Variants in TUBB1 observed in about 807,000 individuals in gnomAD.
TUBB1 encodes the protein tubulin beta-1 chain.
A neutral mutation model predicts 22.6 loss-of-function variants in TUBB1; 28 were observed. The observed-to-expected ratio is 1.24, with a 90% CI of 0.92 to 1.70. TUBB1 has a LOEUF of 1.70. Among genes scored for constraint, TUBB1 ranks in the 40% most tolerant of loss-of-function variants. The pLI is 0.00. For missense variants in TUBB1, 577 were observed against 605.5 expected (o/e 0.95, Z 0.49); for synonymous variants, 226 against 238.0 (o/e 0.95, Z 0.46).
intron 1 of TUBB1, among the ~76,000 whole-genome samples, chr20:59,022,141 C>T (rs1345023244): frequency 1.3e-5 from 2 of 152,018 alleles, no homozygotes. Flanking sequence ...TAGAGACCAT[C>T]CTGGCCAACA....
upstream of TUBB1, among the ~76,000 whole-genome samples, chr20:59,016,691 C>G (rs568172090): frequency 6.6e-6 from 1 of 152,088 alleles, no homozygotes; most frequent in Non-Finnish European, 1.5e-5. Context: ...ATGGTCTATT[C>G]TTAATTTTAA....
In TUBB1 at chr20:59,024,555, G is replaced by A; in HGVS notation, c.1128G>A (p.Glu376=). The change falls in exon 4 of 4, where the codon GAG becomes GAA. Residue 376 remains glutamate, a synonymous_variant. Coordinates refer to ENST00000217133, the MANE Select transcript of TUBB1 (RefSeq NM_030773.4). The surrounding 1 kb of genome is among the most constrained non-coding windows in gnomAD (Gnocchi z 4.9). ...TFIGNNTAIQ[E]IFNRVSEHFS... ...TTGGCAACAACACGGCCATCCAAGA[G>A]ATCTTTAATAGGGTCTCTGAGCATT... 3 of 1,614,190 alleles carry A rather than the reference G, an allele frequency of 1.9e-6. No homozygotes were observed. The highest frequency in any genetic ancestry group is 2.5e-6 in the Non-Finnish European group (3 of 1,180,042).
At chr20:59,023,348 A>G (rs1296373895) in intron 2 of TUBB1, 142 bp from the exon 3 acceptor site, 3 of 735,514 alleles carry the variant, frequency 4.1e-6, no homozygotes, top group African/African-American at 1.8e-5. Flanking sequence ...ATGATGTTAG[A>G]TACTCAAATC....
At position 59,025,092 on chromosome 20, in the gene TUBB1, C is replaced by A; in HGVS notation, c.*309C>A. ...GTGTTTGCCAGGCATCCAGACTACA[C>A]GTGTGGATTTGCAGGGAGCCACTGG... On this transcript the variant is annotated 3_prime_UTR_variant, in exon 4 of 4. Transcript: ENST00000217133. The A allele has an allele frequency of 4.9e-6, 2 of 410,274 alleles. No individual in the cohort carries two copies. The highest frequency in any genetic ancestry group is 9.2e-6 in the Non-Finnish European group (2 of 217,700). 25.4% of individuals were successfully genotyped at this position (410,274 alleles called of 1,614,324 possible). A position where few individuals can be genotyped will look rare whatever the true frequency, so the allele number is the denominator to read the frequency against.
chr20:59,019,401 G>A (rs988017840), upstream of TUBB1: 42 of 1,165,734 alleles, frequency 3.6e-5, no homozygotes, highest in Admixed American at 6.9e-5. Context: ...GGGTAGCTTG[G>A]TTGGCCAGTC....
rs774134509 is a variant in TUBB1, at chr20:59,024,463, C to T, written c.1036C>T (p.Pro346Ser). The T allele has an allele frequency of 1.9e-6, 3 of 1,614,214 alleles. No homozygotes were observed. The highest frequency in any genetic ancestry group is 1.7e-5 in the Admixed American group (1 of 60,026). The part of the protein sequence containing the change: ...RNSSCFVEWI[P>S]NNVKVAVCDI... The stretch of plus-strand genomic sequence containing the variant: ...CAGCAGCTGCTTTGTGGAGTGGATT[C>T]CCAACAACGTCAAGGTGGCTGTCTG... Residue 346 changes from proline (P) to serine (S), a missense_variant, in exon 4 of 4, where the codon CCC (proline) becomes TCC (serine). Pro to Ser is a moderately conservative substitution (Grantham distance 74). Transcript: ENST00000217133. This position sits in a 1 kb window ranked among gnomAD's most constrained non-coding sequence, Gnocchi z 4.9.
At position 59,022,939 on chromosome 20, in the gene TUBB1, A is replaced by T. The variant is rs750352567; in HGVS notation, c.152A>T (p.Tyr51Phe). ...ALQLERISVY[Y>F]NEAYGRKYVP... The stretch of plus-strand genomic sequence containing the variant: ...CAGCTGGAGAGAATCAGCGTGTACT[A>T]CAACGAAGCCTACGGTAGGACTGGC... The change falls in exon 2 of 4, where the codon TAC (tyrosine) becomes TTC (phenylalanine). Residue 51 changes from tyrosine to phenylalanine, a missense_variant. Tyr to Phe is a conservative substitution (Grantham distance 22, BLOSUM62 3). Transcript: ENST00000217133. 1.1e-5 allele frequency: 18 copies of T among 1,613,746 alleles called. No homozygotes were observed. In the African/African-American group the frequency reaches 2.0e-4, roughly 18 times the overall value.
At chr20:59,018,302 T>C (rs999162050), upstream of TUBB1, among the ~76,000 whole-genome samples, 3 of 152,054 alleles carry the variant, frequency 2.0e-5, no homozygotes, top group Non-Finnish European at 2.9e-5. Flanking sequence ...TCGACGATGA[T>C]AGAAACTTGG....
Position 59,024,866 on chromosome 20 carries a change from C to T in TUBB1, c.*83C>T. Reference sequence around the variant, plus strand: ...GTTTCTCCTGCAGCACTCCAAAACCCACTCTGCACTGCAGCACAGTGAATG... The same window carrying T: ...GTTTCTCCTGCAGCACTCCAAAACCTACTCTGCACTGCAGCACAGTGAATG... On this transcript the variant is annotated 3_prime_UTR_variant, in exon 4 of 4. Transcript: ENST00000217133. The surrounding 1 kb of genome is among the most constrained non-coding windows in gnomAD (Gnocchi z 4.9). 3 of 1,211,434 alleles carry T rather than the reference C, an allele frequency of 2.5e-6. No homozygotes were observed. The highest frequency in any genetic ancestry group is 3.6e-6 in the Non-Finnish European group (3 of 822,446). 75.0% of individuals were successfully genotyped at this position (1,211,434 alleles called of 1,614,324 possible).
intron 1 of TUBB1, among the ~76,000 whole-genome samples, chr20:59,019,836 CATAG>C (rs2091960018): frequency 6.6e-6 from 1 of 151,924 alleles, no homozygotes; most frequent in Non-Finnish European, 1.5e-5. Context: ...TAATTTTATC[CATAG>C]ATACATATGT....
At chr20:59,019,378 G>T, upstream of TUBB1, 1 of 889,240 alleles carries the variant, frequency 1.1e-6, no homozygotes, top group Non-Finnish European at 1.9e-6. Context: ...ACACACCCTT[G>T]GTCACATTGT....
At chr20:59,017,655 G>C (rs1201862656), upstream of TUBB1, among the ~76,000 whole-genome samples, 1 of 152,202 alleles carries the variant, frequency 6.6e-6, no homozygotes, top group African/African-American at 2.4e-5. Flanking sequence ...GACCAGGCTG[G>C]GCTCCAATGC....
Position 59,024,036 on chromosome 20 carries a change from C to A in TUBB1, c.609C>A (p.Asp203Glu). 1 of 1,614,234 alleles carries A rather than the reference C, an allele frequency of 6.2e-7. No homozygotes were observed. Among genetic ancestry groups the A allele is most frequent in the Non-Finnish European group, 8.5e-7 (1 of 1,180,038 alleles). ...ATGCAGATGCCTGTTTCTGCATTGA[C>A]AATGAGGCCCTCTATGACATCTGCT... ...IENADACFCI[D>E]NEALYDICFR... Residue 203 changes from aspartate to glutamate, a missense_variant, in exon 4 of 4, where the codon GAC becomes GAA. Coordinates refer to ENST00000217133, the MANE Select transcript of TUBB1 (RefSeq NM_030773.4). This position sits in a 1 kb window ranked among gnomAD's most constrained non-coding sequence, Gnocchi z 4.9.
At position 59,024,051 on chromosome 20, in the gene TUBB1, T is replaced by C; in HGVS notation, c.624T>C (p.Tyr208=). The C allele has an allele frequency of 6.2e-7, 1 of 1,614,216 alleles. No individual in the cohort carries two copies. Among genetic ancestry groups the C allele is most frequent in the Non-Finnish European group, 8.5e-7 (1 of 1,180,032 alleles). The change falls in exon 4 of 4, where the codon TAT becomes TAC. Residue 208 remains tyrosine (Y), a synonymous_variant. Transcript: ENST00000217133. The surrounding 1 kb of genome is among the most constrained non-coding windows in gnomAD (Gnocchi z 4.9). ...ACFCIDNEAL[Y]DICFRTLKLT... Reference sequence around the variant, plus strand: ...TCTGCATTGACAATGAGGCCCTCTATGACATCTGCTTCCGTACCCTGAAGC... The same window carrying C: ...TCTGCATTGACAATGAGGCCCTCTACGACATCTGCTTCCGTACCCTGAAGC...
In TUBB1 at chr20:59,025,147, G is replaced by C. The variant is rs539031189; in HGVS notation, c.*364G>C. On this transcript the variant is annotated 3_prime_UTR_variant, in exon 4 of 4. Transcript: ENST00000217133. ...GGTGTTACATTTTTATACTTTAGCA[G>C]CACTGATAGGCACCCTGGAATCCTC... The C allele has an allele frequency of 3.0e-6, 1 of 329,154 alleles. No individual in the cohort carries two copies. The highest frequency in any genetic ancestry group is 2.6e-5 in the South Asian group (1 of 38,562). 20.4% of individuals were successfully genotyped at this position (329,154 alleles called of 1,614,324 possible). A position where few individuals can be genotyped will look rare whatever the true frequency, so the allele number is the denominator to read the frequency against.
intron 1 of TUBB1, 83 bp from the exon 2 acceptor site, chr20:59,022,762 C>T: frequency 9.3e-6 from 12 of 1,284,162 alleles, no homozygotes; most frequent in Non-Finnish European, 1.3e-5. Flanking sequence ...CAGAGGGAAA[C>T]AGGCTTGGGA....
chr20:59,023,041 A>C (rs1313515999), intron 2 of TUBB1, 88 bp downstream of exon 2: 7 of 1,231,092 alleles, frequency 5.7e-6, no homozygotes, highest in African/African-American at 1.5e-5. Context: ...TGGAAATGTC[A>C]AAGCAGTGAT....
intron 1 of TUBB1, 43 bp from the exon 2 acceptor site, chr20:59,022,802 C>T (rs1568689374): frequency 6.3e-7 from 1 of 1,583,418 alleles, no homozygotes; most frequent in East Asian, 2.2e-5. Flanking sequence ...TTAACACAGC[C>T]TTTTTCGGGG....
In TUBB1 at chr20:59,024,247, A is replaced by G. The variant is rs2091982426; in HGVS notation, c.820A>G (p.Thr274Ala). The change falls in exon 4 of 4, where the codon ACG becomes GCG. Residue 274 changes from threonine to alanine, a missense_variant. Physicochemically the swap from Thr to Ala is moderately conservative, Grantham distance 58. Transcript: ENST00000217133. This position sits in a 1 kb window ranked among gnomAD's most constrained non-coding sequence, Gnocchi z 4.9. ...CTTTATGCCCGGCTTTGCCCCACTCACGGCCCAGGGCAGCCAGCAGTACCG... is the reference window on the plus strand; with the variant it reads ...CTTTATGCCCGGCTTTGCCCCACTCGCGGCCCAGGGCAGCCAGCAGTACCG... Reference protein sequence around the residue: ...HFFMPGFAPLTAQGSQQYRAL... With the variant: ...HFFMPGFAPLAAQGSQQYRAL... 5.6e-6 allele frequency: 9 copies of G among 1,613,550 alleles called. No individual in the cohort carries two copies. Among genetic ancestry groups the G allele is most frequent in the Non-Finnish European group, 6.8e-6 (8 of 1,179,942 alleles).
Sources: allele counts gnomAD v4.1 joint callset (sites outside exome capture counted in the v4.1 genomes callset), GRCh38; gene constraint gnomAD v4.1.1; non-coding constraint Gnocchi (gnomAD v3.1); transcripts MANE v1.5; gene names NCBI Gene and HGNC (gene_info 2026-07-23, HGNC 2026-07-21).